ANKFN1: variants seen among roughly 807,000 people sequenced by gnomAD.
ANKFN1 encodes the protein ankyrin repeat and fibronectin type III domain containing 1.
ANKFN1 carries 74 observed loss-of-function variants against 108.7 expected under a neutral mutation model. The ratio of observed to expected loss-of-function variants is 0.68; its 90% CI spans 0.56 to 0.83. The LOEUF is 0.83. Among genes scored for constraint, ANKFN1 ranks in the 40% least tolerant of loss-of-function variants. The pLI, the probability that ANKFN1 is intolerant of heterozygous loss-of-function variation, is 0.00. For missense variants in ANKFN1, 1,505 were observed against 1,382.3 expected (o/e 1.09, Z -1.41); for synonymous variants, 547 against 516.2 (o/e 1.06, Z -0.81).
At chr17:56,420,232 A>G (rs552957008) in intron 8 of ANKFN1, among the ~76,000 whole-genome samples, 1 of 152,314 alleles carries the variant, frequency 6.6e-6, no homozygotes, top group East Asian at 1.9e-4. Flanking sequence ...AGCACTAGAG[A>G]ACCTGCTGAC....
chr17:56,199,285 GAC>G (rs1913825610), intron 1 of ANKFN1, among the ~76,000 whole-genome samples: 2 of 137,288 alleles, frequency 1.5e-5, no homozygotes, highest in Non-Finnish European at 3.1e-5. Flanking sequence ...AAAAAAAAAA[GAC>G]ACAGACTTTT....
At chr17:56,441,206 T>G (rs988916781) in intron 9 of ANKFN1, among the ~76,000 whole-genome samples, 2 of 152,174 alleles carry the variant, frequency 1.3e-5, no homozygotes, top group African/African-American at 4.8e-5. Flanking sequence ...AAATCAAACC[T>G]TTTTCAGTCC....
chr17:56,171,775 A>G (rs1331317977), intron 1 of ANKFN1, among the ~76,000 whole-genome samples: 1 of 152,170 alleles, frequency 6.6e-6, no homozygotes, highest in Non-Finnish European at 1.5e-5. Context: ...CACAGATGAG[A>G]AGATAGAAAA....
intron 4 of ANKFN1, among the ~76,000 whole-genome samples, chr17:56,124,591 C>G (rs1462204557): frequency 6.6e-6 from 1 of 152,126 alleles, no homozygotes; most frequent in Admixed American, 6.5e-5. Context: ...TGTTCAGGAC[C>G]CCAGTCAAAT....
chr17:56,296,784 T>C (rs1450999816), intron 3 of ANKFN1, among the ~76,000 whole-genome samples: 3 of 152,176 alleles, frequency 2.0e-5, no homozygotes, highest in East Asian at 3.8e-4. Flanking sequence ...CTGAGTGTCA[T>C]TGGTCAAGTG....
At chr17:56,107,172 C>A (rs62075430) in intron 4 of ANKFN1, among the ~76,000 whole-genome samples, 24,024 of 152,076 alleles carry the variant, frequency 0.16, 2,071 homozygotes, top group East Asian at 0.28. Context: ...GCTGAAAGAA[C>A]CCAGGAGTTT....
intron 10 of ANKFN1, among the ~76,000 whole-genome samples, chr17:56,446,396 G>A (rs1333001132): frequency 6.6e-6 from 1 of 152,174 alleles, no homozygotes; most frequent in Non-Finnish European, 1.5e-5. Flanking sequence ...GGGAATCTAT[G>A]ACAGCAACGT....
upstream of ANKFN1, chr17:56,153,471 G>A (rs202146866): frequency 3.7e-5 from 59 of 1,613,402 alleles, no homozygotes; most frequent in Non-Finnish European, 4.7e-5. Context: ...CCACCCCCCA[G>A]GTCCTCTTTC....
intron 15 of ANKFN1, chr17:56,473,445 C>CTGAGCT (rs2050388727): frequency 6.6e-6 from 1 of 151,836 alleles, no homozygotes; most frequent in African/African-American, 2.4e-5. Context: ...GGTAGATCAC[C>CTGAGCT]TGAGCTCAGG....
At chr17:56,433,730 A>G (rs915547853) in intron 8 of ANKFN1, among the ~76,000 whole-genome samples, 2 of 152,126 alleles carry the variant, frequency 1.3e-5, no homozygotes, top group African/African-American at 2.4e-5. Flanking sequence ...GGTGCAGTGT[A>G]TACTGCCCGG....
intron 4 of ANKFN1, among the ~76,000 whole-genome samples, chr17:56,059,536 G>T (rs1904937977): frequency 6.6e-6 from 1 of 152,038 alleles, no homozygotes; most frequent in Non-Finnish European, 1.5e-5. Context: ...GTATTGCCTA[G>T]GTTTTCTTCT....
At chr17:56,212,943 G>A (rs1915128019) in intron 2 of ANKFN1, among the ~76,000 whole-genome samples, 1 of 152,156 alleles carries the variant, frequency 6.6e-6, no homozygotes, top group South Asian at 2.1e-4. Flanking sequence ...GACTGGCATT[G>A]CCCATTCATG....
At chr17:56,397,885 A>C (rs558221290) in intron 8 of ANKFN1, among the ~76,000 whole-genome samples, 1 of 152,282 alleles carries the variant, frequency 6.6e-6, no homozygotes, top group South Asian at 2.1e-4. Context: ...CTGTGAAGAA[A>C]TTAGGGAATA....
At chr17:56,484,443 A>G (rs940469425) in intron 18 of ANKFN1, among the ~76,000 whole-genome samples, 3 of 152,244 alleles carry the variant, frequency 2.0e-5, no homozygotes, top group African/African-American at 7.2e-5. Flanking sequence ...TGAGAAAGGG[A>G]GAAGTCTAAA....
chr17:56,089,152 G>A (rs1284389924), intron 4 of ANKFN1, among the ~76,000 whole-genome samples: 1 of 151,494 alleles, frequency 6.6e-6, no homozygotes, highest in Non-Finnish European at 1.5e-5. Flanking sequence ...AAATAGGAAA[G>A]TGTTCTAGTT....
chr17:56,174,661 G>A (rs1910967761), intron 1 of ANKFN1, among the ~76,000 whole-genome samples: 1 of 152,152 alleles, frequency 6.6e-6, no homozygotes, highest in Non-Finnish European at 1.5e-5. Context: ...TTTGCCCAGA[G>A]AAGTCTCCAG....
chr17:56,094,518 TCGC>T lies in ANKFN1; in HGVS notation c.288+48195_288+48197del, dbSNP rs1567785549. 1.3e-3 allele frequency among the ~76,000 whole-genome samples: 145 copies of T among 110,006 alleles called. 2 individuals are homozygous for T. The highest frequency in any genetic ancestry group is 6.2e-3 in the African/African-American group (132 of 21,434). The allele number at this position is 110,006 out of a possible 152,430, so 72.2% of individuals were successfully genotyped here. On this transcript the variant is annotated intron_variant, in intron 4 of 12. Transcript: ENST00000635860. The stretch of plus-strand genomic sequence containing the variant: ...TTTTTTGAGGCGAAGTCTTGTTTTG[TCGC>T]CAGGCTGCCAGGCTGCCAGGCTGCC...
chr17:56,375,922 G>C (rs1346588007), intron 8 of ANKFN1, among the ~76,000 whole-genome samples: 1 of 152,202 alleles, frequency 6.6e-6, no homozygotes, highest in East Asian at 1.9e-4. Flanking sequence ...TAAGGAATTT[G>C]CCTAAATGCT....
At chr17:56,215,080 A>G (rs1262116813) in intron 2 of ANKFN1, among the ~76,000 whole-genome samples, 2 of 152,182 alleles carry the variant, frequency 1.3e-5, no homozygotes, top group East Asian at 3.9e-4. Flanking sequence ...ATGTTCACTT[A>G]TGGTTATCTA....
Sources: gnomAD v4.1 joint callset for allele counts (sites outside exome capture counted in the v4.1 genomes callset) on GRCh38, gnomAD v4.1.1 for gene constraint, MANE v1.5 for transcripts, NCBI Gene and HGNC (gene_info 2026-07-23, HGNC 2026-07-21) for gene names.